The following EHMT1 variants were observed in gnomAD, a reference collection of about 807,000 sequenced individuals.
The protein encoded by EHMT1 is histone-lysine N-methyltransferase EHMT1.
In EHMT1, 15 loss-of-function variants were observed where a neutral mutation model predicts 147.2. The ratio of observed to expected loss-of-function variants is 0.10; its 90% confidence interval spans 0.07 to 0.16. EHMT1 has a LOEUF of 0.16. Ranked by LOEUF, EHMT1 falls within the 10% of genes least tolerant of loss-of-function variation. The probability of loss-of-function intolerance (pLI) is 1.00; values close to 1 mark genes in which losing one functional copy is unlikely to be tolerated. For missense variants in EHMT1, 1,587 were observed against 1,772.4 expected (o/e 0.90, Z 1.88); for synonymous variants, 795 against 709.6 (o/e 1.12, Z -1.91).
chr9:137,796,011 A>T (rs559442537), intron 16 of EHMT1, among the ~76,000 whole-genome samples: 14 of 152,358 alleles, frequency 9.2e-5, no homozygotes, highest in African/African-American at 3.1e-4. Context: ...TCACCCTGTC[A>T]GTAGTTATGC....
intron 1 of EHMT1, among the ~76,000 whole-genome samples, chr9:137,638,586 G>A (rs1193530388): frequency 6.6e-6 from 1 of 152,122 alleles, no homozygotes; most frequent in Non-Finnish European, 1.5e-5. Flanking sequence ...CTATGTTATA[G>A]AATAAATTGC....
chr9:137,811,523 G>A lies in EHMT1; in HGVS notation c.2775G>A (p.Leu925=). ...GCTGCGTGGACATAGCCGAGATCCT[G>A]CTGGCTGCCAAGTGCGACCTCCACG... The part of the protein sequence containing the change: ...FSGCVDIAEI[L]LAAKCDLHAV... Residue 925 remains leucine (L), a synonymous_variant, in exon 19 of 27, where the codon CTG becomes CTA. Coordinates refer to ENST00000460843, the MANE Select transcript of EHMT1 (RefSeq NM_024757.5). The A allele has an allele frequency of 6.2e-7, 1 of 1,611,352 alleles. No homozygotes were observed.
At chr9:137,742,139 C>T (rs572149184) in intron 4 of EHMT1, among the ~76,000 whole-genome samples, 1 of 152,278 alleles carries the variant, frequency 6.6e-6, no homozygotes, top group African/African-American at 2.4e-5. Flanking sequence ...TCCCAGCGTC[C>T]GTGGTCCCAG....
chr9:137,698,917 C>T (rs922736139), intron 1 of EHMT1, among the ~76,000 whole-genome samples: 1 of 151,774 alleles, frequency 6.6e-6, no homozygotes, highest in African/African-American at 2.4e-5. Flanking sequence ...TGATCTTTCC[C>T]CCACTATACA....
intron 1 of EHMT1, among the ~76,000 whole-genome samples, chr9:137,684,815 T>C (rs968249464): frequency 5.9e-5 from 9 of 152,222 alleles, no homozygotes; most frequent in Non-Finnish European, 1.0e-4. Flanking sequence ...TTTACTGAAT[T>C]ATGATATAAC....
At chr9:137,749,167 A>G (rs1948781916) in intron 6 of EHMT1, among the ~76,000 whole-genome samples, 1 of 151,884 alleles carries the variant, frequency 6.6e-6, no homozygotes, top group Non-Finnish European at 1.5e-5. Flanking sequence ...CACCCCCAGG[A>G]CAGATGTGGG....
intron 2 of EHMT1, among the ~76,000 whole-genome samples, chr9:137,712,548 C>T (rs1369975962): frequency 2.0e-5 from 3 of 152,304 alleles, no homozygotes; most frequent in African/African-American, 7.2e-5. Context: ...TGATGTTGAG[C>T]ATCATTTCGT....
intron 15 of EHMT1, among the ~76,000 whole-genome samples, chr9:137,783,309 T>C (rs917310193): frequency 6.6e-6 from 1 of 152,218 alleles, no homozygotes; most frequent in African/African-American, 2.4e-5. Flanking sequence ...TGGTCTGTTT[T>C]CTTGTCTTTT....
intron 21 of EHMT1, among the ~76,000 whole-genome samples, chr9:137,814,056 GCCCCCC>G (rs71387862): frequency 2.0e-5 from 1 of 50,048 alleles, no homozygotes; most frequent in African/African-American, 1.2e-4. Context: ...CACTGCCCAG[GCCCCCC>G]CCCCCCCCCG....
Position 137,685,660 on chromosome 9 carries a change from A to G in EHMT1, c.22-25307A>G, listed in dbSNP as rs2134678732. Among the ~76,000 whole-genome samples the G allele has an allele frequency of 1.3e-5, 2 of 152,300 alleles. 1 individual carries two copies. Among genetic ancestry groups the G allele is most frequent in the South Asian group, 4.1e-4 (2 of 4,826 alleles). ...AAACTGATAAGCAGTTTTTCATGGT[A>G]GCTCCATCATTTTGTGTTTCCATTA... On this transcript the variant is annotated intron_variant, in intron 1 of 26. Coordinates refer to ENST00000460843, the MANE Select transcript of EHMT1 (RefSeq NM_024757.5).
chr9:137,777,837 T>C (rs375241298), intron 12 of EHMT1, 45 bp from the exon 13 acceptor site: 55 of 1,608,906 alleles, frequency 3.4e-5, no homozygotes, highest in South Asian at 2.3e-4. Context: ...GAACAGGCCA[T>C]GTTTCGTGTT....
At chr9:137,722,835 C>T (rs1946203187) in intron 3 of EHMT1, among the ~76,000 whole-genome samples, 1 of 152,212 alleles carries the variant, frequency 6.6e-6, no homozygotes, top group African/African-American at 2.4e-5. Context: ...TGGGTGCCCC[C>T]CTGTGCCCAG....
At chr9:137,729,778 G>T (rs1244502160) in intron 4 of EHMT1, among the ~76,000 whole-genome samples, 1 of 151,462 alleles carries the variant, frequency 6.6e-6, no homozygotes, top group Non-Finnish European at 1.5e-5. Context: ...TTTTATCCCT[G>T]AAAACTAATG....
intron 1 of EHMT1, among the ~76,000 whole-genome samples, chr9:137,631,877 CAAAA>C (rs766534864): frequency 4.0e-5 from 6 of 150,944 alleles, no homozygotes; most frequent in Non-Finnish European, 7.4e-5. Context: ...GACCCTGTCT[CAAAA>C]AAAGAAAAAA....
chr9:137,648,828 C>G (rs1564539026), intron 1 of EHMT1, among the ~76,000 whole-genome samples: 1 of 152,234 alleles, frequency 6.6e-6, no homozygotes, highest in Non-Finnish European at 1.5e-5. Context: ...TCAGCCTCAT[C>G]CTCAGGGTGC....
chr9:137,834,634 C>G, intron 26 of EHMT1, 110 bp downstream of exon 26: 2 of 1,594,388 alleles, frequency 1.3e-6, no homozygotes, highest in South Asian at 1.1e-5. Context: ...AGTGGTTTTC[C>G]TGTAGTTCTA....
chr9:137,800,806 G>A (rs913716463), intron 17 of EHMT1, 74 bp from the exon 18 acceptor site: 124 of 1,355,908 alleles, frequency 9.1e-5, no homozygotes, highest in East Asian at 6.8e-4. Flanking sequence ...CAGAGACCTC[G>A]GCGTGGGAGT....
At chr9:137,817,821 C>G (rs1286494716) in intron 24 of EHMT1, 1 of 622,960 alleles carries the variant, frequency 1.6e-6, no homozygotes, top group East Asian at 2.7e-5. Flanking sequence ...AGGGGAGGAC[C>G]ATTCTGGGTT....
chr9:137,688,363 G>T (rs891948689), intron 1 of EHMT1, among the ~76,000 whole-genome samples: 1 of 152,068 alleles, frequency 6.6e-6, no homozygotes, highest in African/African-American at 2.4e-5. Context: ...ATTCTTCATT[G>T]GTAGTTTATA....
Sources: gnomAD v4.1 joint callset for allele counts (sites outside exome capture counted in the v4.1 genomes callset) on GRCh38, gnomAD v4.1.1 for gene constraint, MANE v1.5 for transcripts, NCBI Gene and HGNC (gene_info 2026-07-23, HGNC 2026-07-21) for gene names.